The following NSG1 variants were observed in gnomAD, a reference collection of about 807,000 sequenced individuals.
NSG1 encodes the protein neuronal vesicle trafficking-associated protein 1.
In NSG1, 9 loss-of-function variants were observed where a neutral mutation model predicts 19.3. The ratio of observed to expected loss-of-function variants is 0.47; its 90% CI spans 0.28 to 0.81. The LOEUF (loss-of-function observed/expected upper bound fraction) is 0.81, where lower values mean the gene tolerates loss of function less well. Ranked by LOEUF, NSG1 falls within the 40% of genes least tolerant of loss-of-function variation. The probability of loss-of-function intolerance (pLI) is 0.11; values close to 1 mark genes in which losing one functional copy is unlikely to be tolerated. For synonymous variants in NSG1, 104 were observed against 107.0 expected, an observed-to-expected ratio of 0.97 and a Z score of 0.17; for missense variants, 236 against 242.4, an observed-to-expected ratio of 0.97 and a Z score of 0.18.
intron 2 of NSG1, among the ~76,000 whole-genome samples, chr4:4,388,444 G>A (rs1722846675): frequency 6.6e-6 from 1 of 152,174 alleles, no homozygotes. Flanking sequence ...CTTTTTGAAT[G>A]TAGCATCCAA....
chr4:4,387,520 C>T, intron 1 of NSG1, 84 bp from the exon 2 acceptor site: 2 of 926,910 alleles, frequency 2.2e-6, no homozygotes, highest in Non-Finnish European at 3.2e-6. Context: ...GACGCCGGGA[C>T]GCCGGTGGGT....
At chr4:4,415,983 CTG>C in intron 4 of NSG1, 1 of 651,906 alleles carries the variant, frequency 1.5e-6, no homozygotes, top group Non-Finnish European at 2.8e-6. Flanking sequence ...CCTGGTGGGA[CTG>C]AGATCAAGAC....
At chr4:4,410,346 C>T (rs900921885) in intron 4 of NSG1, among the ~76,000 whole-genome samples, 5 of 152,222 alleles carry the variant, frequency 3.3e-5, no homozygotes, top group Admixed American at 6.5e-5. Context: ...AAAGAGAAGA[C>T]GGAGCCAGGG....
chr4:4,403,315 A>G lies in NSG1; in HGVS notation c.247-6258A>G, dbSNP rs530386731. ...GTCCTAAGTCAGTTTCATTGCACCA[A>G]AATCAAGGGGTGTGCCGGGCCCTGC... On this transcript the variant is annotated intron_variant, in intron 3 of 4. Transcript: ENST00000621129. 5.3e-5 allele frequency among the ~76,000 whole-genome samples: 8 copies of G among 152,294 alleles called. No individual in the cohort carries two copies. The East Asian group carries it at 1.4e-3, about 26-fold the overall frequency.
At chr4:4,415,422 C>T (rs1461905155) in intron 4 of NSG1, among the ~76,000 whole-genome samples, 2 of 152,168 alleles carry the variant, frequency 1.3e-5, no homozygotes, top group Non-Finnish European at 2.9e-5. Context: ...GCACACACCC[C>T]ACAGGTGAGG....
At chr4:4,408,821 TTCAAGGTCCA>T (rs1724006325) in intron 3 of NSG1, among the ~76,000 whole-genome samples, 1 of 152,166 alleles carries the variant, frequency 6.6e-6, no homozygotes, top group African/African-American at 2.4e-5. Context: ...GGTGAGTGCC[TTCAAGGTCCA>T]GGTCCAGTGT....
chr4:4,388,214 C>T (rs1722836603), intron 2 of NSG1, among the ~76,000 whole-genome samples: 1 of 152,234 alleles, frequency 6.6e-6, no homozygotes, highest in South Asian at 2.1e-4. Context: ...CAGATGGCCC[C>T]TCCCCAGGGC....
intron 3 of NSG1, among the ~76,000 whole-genome samples, chr4:4,409,173 G>A (rs1724029195): frequency 6.6e-6 from 1 of 152,214 alleles, no homozygotes; most frequent in Non-Finnish European, 1.5e-5. Flanking sequence ...TTGCTGAGCG[G>A]ATGCTTGGCT....
intron 1 of NSG1, 43 bp from the exon 2 acceptor site, chr4:4,387,561 C>CGGGGGGGGGGGGGG: frequency 1.0e-4 from 119 of 1,141,828 alleles, no homozygotes; most frequent in East Asian, 1.3e-4. Flanking sequence ...CGCCCCGCCC[C>CGGGGGGGGGGGGGG]GGGTCTTGCT....
At chr4:4,394,968 T>C (rs1723178337) in intron 3 of NSG1, among the ~76,000 whole-genome samples, 1 of 152,138 alleles carries the variant, frequency 6.6e-6, no homozygotes, top group South Asian at 2.1e-4. Flanking sequence ...AGTCAGTGAG[T>C]GGCAGAGGCA....
At chr4:4,399,750 G>A (rs1723449509) in intron 3 of NSG1, among the ~76,000 whole-genome samples, 1 of 152,276 alleles carries the variant, frequency 6.6e-6, no homozygotes, top group East Asian at 1.9e-4. Flanking sequence ...TTTTTGTACT[G>A]ACCAGGGAGC....
intron 2 of NSG1, 116 bp downstream of exon 2, chr4:4,387,874 G>A: frequency 2.3e-6 from 2 of 883,454 alleles, no homozygotes; most frequent in Non-Finnish European, 3.6e-6. Context: ...GGGCGGGCTC[G>A]GGAGGCCGGA....
At chr4:4,405,593 T>C (rs547641442) in intron 3 of NSG1, among the ~76,000 whole-genome samples, 3 of 152,248 alleles carry the variant, frequency 2.0e-5, no homozygotes, top group African/African-American at 7.2e-5. Flanking sequence ...GAGAGGCCCG[T>C]GGCCCTCTCT....
chr4:4,414,913 C>T (rs1214246253), intron 4 of NSG1, among the ~76,000 whole-genome samples: 4 of 151,676 alleles, frequency 2.6e-5, no homozygotes, highest in Non-Finnish European at 4.4e-5. Context: ...AAAAGGCAGA[C>T]GTGGCCCGAG....
rs1291451223 is a variant in NSG1, at chr4:4,417,376, G to T, written c.499G>T (p.Val167Phe). 3 of 1,614,124 alleles carry T rather than the reference G, an allele frequency of 1.9e-6. No individual in the cohort carries two copies. The highest frequency in any genetic ancestry group is 1.3e-5 in the African/African-American group (1 of 74,938). ...GCGCTCCGTATCGCCCTGGATGTCAGTTCTGTCAGAAGAGAAGCTGTCCGA... is the reference window on the plus strand; with the variant it reads ...GCGCTCCGTATCGCCCTGGATGTCATTTCTGTCAGAAGAGAAGCTGTCCGA... ...ITRSVSPWMSVLSEEKLSEQE... is the reference protein window; with the variant it reads ...ITRSVSPWMSFLSEEKLSEQE... Residue 167 changes from valine (V) to phenylalanine (F), a missense_variant, in exon 5 of 5, where the codon GTT (valine) becomes TTT (phenylalanine). Coordinates refer to ENST00000621129, the MANE Select transcript of NSG1 (RefSeq NM_014392.5).
rs578065820 is a variant in NSG1, at chr4:4,407,280, C to T, written c.247-2293C>T. Among the ~76,000 whole-genome samples, 30 of 152,270 alleles carry T rather than the reference C, an allele frequency of 2.0e-4. No homozygotes were observed. The South Asian group carries it at 4.8e-3, about 24-fold the overall frequency. The stretch of plus-strand genomic sequence containing the variant: ...CCTGGGGACCAGGAGGATGGGCCTG[C>T]TCAGAGGGGATGTGAATCTGCCTGC... On this transcript the variant is annotated intron_variant, in intron 3 of 4. Coordinates refer to ENST00000621129, the MANE Select transcript of NSG1 (RefSeq NM_014392.5).
At chr4:4,413,681 G>A (rs1252086190) in intron 4 of NSG1, among the ~76,000 whole-genome samples, 1 of 151,744 alleles carries the variant, frequency 6.6e-6, no homozygotes, top group Admixed American at 6.6e-5. Flanking sequence ...CGGCCAGAGC[G>A]GGTGCATCCT....
rs182098713 is a variant in NSG1 at position 4,395,082 on chromosome 4, A to T, written c.246+3491A>T. Among the ~76,000 whole-genome samples, 8 of 152,304 alleles carry T rather than the reference A, an allele frequency of 5.3e-5. 1 individual carries two copies. The East Asian group carries it at 1.5e-3, about 29-fold the overall frequency. On this transcript the variant is annotated intron_variant, in intron 3 of 4. Coordinates refer to ENST00000621129, the MANE Select transcript of NSG1 (RefSeq NM_014392.5). ...CAGGCTGGACTTTCGCAGCTGAACA[A>T]CTTGCATTCTAAGGGCATCTCTTCT...
intron 3 of NSG1, among the ~76,000 whole-genome samples, chr4:4,398,452 C>G (rs190915633): frequency 2.2e-4 from 34 of 152,210 alleles, no homozygotes; most frequent in African/African-American, 7.0e-4. Context: ...CATGCCCCCC[C>G]CCACAGCCCC....
Sources: gnomAD v4.1 joint callset for allele counts (sites outside exome capture counted in the v4.1 genomes callset) on GRCh38, gnomAD v4.1.1 for gene constraint, MANE v1.5 for transcripts, NCBI Gene and HGNC (gene_info 2026-07-23, HGNC 2026-07-21) for gene names.